The following MARCHF1 variants were observed in gnomAD, a reference collection of about 807,000 sequenced individuals.
MARCHF1 encodes E3 ubiquitin-protein ligase MARCHF1.
Under a neutral mutation model 54.2 loss-of-function variants are expected in MARCHF1, and 40 were observed. That is an observed-to-expected ratio of 0.74 (90% CI 0.57 to 0.96). MARCHF1 has a LOEUF of 0.96. Ranked by LOEUF, MARCHF1 falls within the 40% of genes least tolerant of loss-of-function variation. MARCHF1 has a pLI of 0.00. For missense variants in MARCHF1, 586 were observed against 656.5 expected, an observed-to-expected ratio of 0.89 and a Z score of 1.17; for synonymous variants, 236 against 236.3, an observed-to-expected ratio of 1.00 and a Z score of 0.01.
intron 1 of MARCHF1, among the ~76,000 whole-genome samples, chr4:164,145,546 A>G (rs983961389): frequency 7.9e-5 from 12 of 152,180 alleles, no homozygotes; most frequent in Non-Finnish European, 2.9e-5. Context: ...GTAATCCAGC[A>G]TATAAACAGA....
intron 4 of MARCHF1, among the ~76,000 whole-genome samples, chr4:163,708,528 A>G (rs1745014991): frequency 6.6e-6 from 1 of 152,206 alleles, no homozygotes; most frequent in Non-Finnish European, 1.5e-5. Flanking sequence ...TCATGCAGTC[A>G]TAAAAAATGA....
intron 2 of MARCHF1, among the ~76,000 whole-genome samples, chr4:164,056,145 A>G (rs1291706558): frequency 2.0e-5 from 3 of 152,120 alleles, no homozygotes; most frequent in African/African-American, 4.8e-5. Flanking sequence ...TTCTAGTGCA[A>G]TGATGCGCTG....
chr4:163,638,857 T>A (rs1315638504), intron 5 of MARCHF1, among the ~76,000 whole-genome samples: 1 of 152,220 alleles, frequency 6.6e-6, no homozygotes, highest in Non-Finnish European at 1.5e-5. Flanking sequence ...TTTATTAGTC[T>A]TAGAATAGAA....
In MARCHF1 at chr4:163,768,903, T is replaced by C. The variant is rs535528014; in HGVS notation, c.112-68040A>G. On this transcript the variant is annotated intron_variant, in intron 4 of 9. Transcript: ENST00000514618. ...TTTCTTTAAGCCATTAGCTCTTGAA[T>C]TGATATGCAACCATTATATGTCAAA... Among the ~76,000 whole-genome samples, 45 of 152,302 alleles carry C rather than the reference T, an allele frequency of 3.0e-4. 1 individual carries two copies. The South Asian group carries it at 8.9e-3, about 30-fold the overall frequency.
intron 2 of MARCHF1, among the ~76,000 whole-genome samples, chr4:164,071,493 T>A (rs1754866579): frequency 2.6e-5 from 4 of 152,154 alleles, no homozygotes; most frequent in Admixed American, 2.6e-4. Flanking sequence ...AAACTAGTGA[T>A]ATCCTTAAGA....
intron 1 of MARCHF1, among the ~76,000 whole-genome samples, chr4:164,192,186 G>A (rs1441378007): frequency 6.6e-6 from 1 of 152,098 alleles, no homozygotes; most frequent in Non-Finnish European, 1.5e-5. Context: ...AAATAGCTAA[G>A]TATACGATTA....
At chr4:163,563,510 C>T (rs1236619184) in intron 8 of MARCHF1, among the ~76,000 whole-genome samples, 1 of 152,190 alleles carries the variant, frequency 6.6e-6, no homozygotes, top group Non-Finnish European at 1.5e-5. Context: ...TTTTCTAATA[C>T]ACCCAGGCAG....
chr4:163,840,935 C>T (rs1749320208), intron 4 of MARCHF1, among the ~76,000 whole-genome samples: 1 of 150,678 alleles, frequency 6.6e-6, no homozygotes, highest in Non-Finnish European at 1.5e-5. Context: ...GGCAAATATG[C>T]ATCAATAAAT....
In MARCHF1 at chr4:164,034,199, G is replaced by A. The variant is rs186203535; in HGVS notation, c.-247-45490C>T. Among the ~76,000 whole-genome samples, 85 of 152,212 alleles carry A rather than the reference G, an allele frequency of 5.6e-4. 1 individual carries two copies. The highest frequency in any genetic ancestry group is 1.9e-3 in the African/African-American group (80 of 41,546). On this transcript the variant is annotated intron_variant, in intron 2 of 9. Coordinates refer to ENST00000514618, the MANE Select transcript of MARCHF1 (RefSeq NM_001394959.1). ...GTTTGCAGGGACATGGATGAAGCTGGAAGCCATCATCCTCAGCAAACTAAC... is the reference window on the plus strand; with the variant it reads ...GTTTGCAGGGACATGGATGAAGCTGAAAGCCATCATCCTCAGCAAACTAAC...
intron 3 of MARCHF1, among the ~76,000 whole-genome samples, chr4:163,857,696 C>A (rs368638436): frequency 3.0e-4 from 46 of 152,230 alleles, no homozygotes; most frequent in African/African-American, 1.1e-3. Flanking sequence ...ACATTGACAA[C>A]AAATTAATAT....
At position 163,612,855 on chromosome 4, in the gene MARCHF1, G is replaced by A; in HGVS notation, c.426C>T (p.Asp142=). 1 of 1,535,280 alleles carries A rather than the reference G, an allele frequency of 6.5e-7. No homozygotes were observed. Among genetic ancestry groups the A allele is most frequent in the Non-Finnish European group, 8.7e-7 (1 of 1,146,486 alleles). ...AEEQIRGRKN[D]FHLQISSPRW... is the part of the protein sequence containing the mutation. ...TGGGGCTTGAGATTTGAAGGTGAAA[G>A]TCATTTTTTCTCCCTCTTATTTGTT... The change falls in exon 7 of 10, where the codon GAC becomes GAT. Residue 142 remains aspartate, a synonymous_variant. Coordinates refer to ENST00000514618, the MANE Select transcript of MARCHF1 (RefSeq NM_001394959.1).
At chr4:163,737,161 TTTC>T (rs1399030589) in intron 4 of MARCHF1, among the ~76,000 whole-genome samples, 2,292 of 53,050 alleles carry the variant, frequency 0.043, 367 homozygotes, top group Non-Finnish European at 0.073. Flanking sequence ...AGCTTTTTTC[TTTC>T]TTTTTTTTTT....
intron 7 of MARCHF1, among the ~76,000 whole-genome samples, chr4:163,604,411 C>T (rs1003060176): frequency 1.7e-4 from 26 of 152,082 alleles, no homozygotes; most frequent in Middle Eastern, 3.2e-3. Context: ...ATATGTAGTT[C>T]GTGACCAATT....
At chr4:164,350,464 A>C (rs1425277299) in intron 1 of MARCHF1, among the ~76,000 whole-genome samples, 1 of 152,172 alleles carries the variant, frequency 6.6e-6, no homozygotes, top group Admixed American at 6.5e-5. Flanking sequence ...ATATTTAATA[A>C]TTTATTGTAT....
chr4:164,328,228 G>T (rs1385357631), intron 1 of MARCHF1, among the ~76,000 whole-genome samples: 5 of 152,004 alleles, frequency 3.3e-5, no homozygotes, highest in African/African-American at 1.2e-4. Flanking sequence ...ATCAAATTAG[G>T]TGCGTTCTGA....
chr4:163,984,087 G>A (rs1479113092), intron 3 of MARCHF1, among the ~76,000 whole-genome samples: 2 of 151,356 alleles, frequency 1.3e-5, no homozygotes, highest in Non-Finnish European at 2.9e-5. Flanking sequence ...ATTTTTTCCA[G>A]GTTACTGGAA....
chr4:163,843,497 C>T (rs1167981042), intron 4 of MARCHF1, among the ~76,000 whole-genome samples: 2 of 151,870 alleles, frequency 1.3e-5, no homozygotes, highest in Admixed American at 6.6e-5. Context: ...TATCTGTGCT[C>T]GCTTTTCTCT....
chr4:164,188,434 G>A (rs1437985158), intron 1 of MARCHF1: 2 of 606,862 alleles, frequency 3.3e-6, no homozygotes, highest in Non-Finnish European at 6.1e-6. Flanking sequence ...GTGAGGCGTG[G>A]TTCGAGGACA....
chr4:163,995,314 T>C (rs910102014), intron 2 of MARCHF1, among the ~76,000 whole-genome samples: 2 of 152,270 alleles, frequency 1.3e-5, no homozygotes, highest in Admixed American at 6.5e-5. Context: ...CAAGTTTACA[T>C]GTATCCCCCA....
Sources: gnomAD v4.1 joint callset for allele counts (sites outside exome capture counted in the v4.1 genomes callset) on GRCh38, gnomAD v4.1.1 for gene constraint, MANE v1.5 for transcripts, NCBI Gene and HGNC (gene_info 2026-07-23, HGNC 2026-07-21) for gene names.